The following SLC52A3 variants were observed in gnomAD, a reference collection of about 807,000 sequenced individuals.
The protein encoded by SLC52A3 is solute carrier family 52, riboflavin transporter, member 3.
SLC52A3 carries 20 observed loss-of-function variants against 29.5 expected under a neutral mutation model. The observed-to-expected ratio is 0.68, with a 90% CI of 0.48 to 0.99. The LOEUF is 0.99. Ranked by LOEUF, SLC52A3 falls within the 50% of genes least tolerant of loss-of-function variation. The probability of loss-of-function intolerance (pLI) is 0.00; values close to 1 mark genes in which losing one functional copy is unlikely to be tolerated. For synonymous variants in SLC52A3, 301 were observed against 271.0 expected (o/e 1.11, Z -1.09); for missense variants, 548 against 612.9 (o/e 0.89, Z 1.12).
Position 763,717 on chromosome 20 carries a change from T to G in SLC52A3, c.854A>C (p.Gln285Pro). The change falls in exon 3 of 5, where the codon CAG becomes CCG. Residue 285 changes from glutamine to proline, a missense_variant. This residue lies in a region of SLC52A3 where 375 missense variants were observed against 471.1 expected (regional missense o/e 0.80). Coordinates refer to ENST00000645534, the MANE Select transcript of SLC52A3 (RefSeq NM_033409.4). ...PAGTVDSSQGQGYLEEKAAPC... is the reference protein window; with the variant it reads ...PAGTVDSSQGPGYLEEKAAPC... ...GGCTGCTTTCTCCTCTAGATACCCC[T>G]GGCCCTGGCTGCTGTCCACCGTGCC... The G allele has an allele frequency of 6.2e-7, 1 of 1,614,162 alleles. No individual in the cohort carries two copies.
chr20:765,810 T>G lies in SLC52A3; in HGVS notation c.-36A>C, dbSNP rs1326600333. On this transcript the variant is annotated 5_prime_UTR_variant, in exon 2 of 5. Transcript: ENST00000645534. This position sits in a 1 kb window ranked among gnomAD's most constrained non-coding sequence, Gnocchi z 6.6. ...GCCCTGGGCCAGAGGCTTTCTCAGATCAGCCTGCAGCGGGGCTGGCAGAGA... is the reference window on the plus strand; with the variant it reads ...GCCCTGGGCCAGAGGCTTTCTCAGAGCAGCCTGCAGCGGGGCTGGCAGAGA... The G allele has an allele frequency of 6.3e-7, 1 of 1,598,976 alleles. No individual in the cohort carries two copies. The highest frequency in any genetic ancestry group is 1.7e-5 in the Admixed American group (1 of 57,790).
chr20:761,516 A>G lies in SLC52A3; in HGVS notation c.1197+185T>C, dbSNP rs1270843652. The G allele has an allele frequency of 3.4e-6, 3 of 874,460 alleles. No individual in the cohort carries two copies. In the Admixed American group the frequency reaches 7.4e-5, roughly 21 times the overall value. 54.2% of individuals were successfully genotyped at this position (874,460 alleles called of 1,614,324 possible). A position where few individuals can be genotyped will look rare whatever the true frequency, so the allele number is the denominator to read the frequency against. On this transcript the variant is annotated intron_variant, in intron 4 of 4. Transcript: ENST00000645534. ...AGGTACACATGGTGGGAAGAGGCCT[A>G]CCAGTCACCTCGATTCCCTAAGCCT...
chr20:765,891 G>T lies in SLC52A3; in HGVS notation c.-51-66C>A. The stretch of plus-strand genomic sequence containing the variant: ...CACCTAGCAAGATGCTGGGACCTGG[G>T]GCCCAGAGTTTTCTCTTATTACTCC... On this transcript the variant is annotated intron_variant, in intron 1 of 4. Transcript: ENST00000645534. The surrounding 1 kb of genome is among the most constrained non-coding windows in gnomAD (Gnocchi z 6.6). 9.8e-7 allele frequency: 1 copy of T among 1,022,008 alleles called. No homozygotes were observed. The highest frequency in any genetic ancestry group is 1.5e-6 in the Non-Finnish European group (1 of 676,988). The allele number at this position is 1,022,008 out of a possible 1,614,324, so 63.3% of individuals were successfully genotyped here. A position where few individuals can be genotyped will look rare whatever the true frequency, so the allele number is the denominator to read the frequency against.
At chr20:771,808 T>G (rs147568107), upstream of SLC52A3, among the ~76,000 whole-genome samples, 5 of 151,648 alleles carry the variant, frequency 3.3e-5, no homozygotes, top group East Asian at 9.7e-4. Context: ...CATAAAGGAG[T>G]CAAAATTGTA....
At chr20:774,693 C>G (rs941844270) in intron 1 of SLC52A3, among the ~76,000 whole-genome samples, 1 of 152,216 alleles carries the variant, frequency 6.6e-6, no homozygotes, top group African/African-American at 2.4e-5. Flanking sequence ...GCCACCCTCA[C>G]TGTTCACAGC....
intron 1 of SLC52A3, among the ~76,000 whole-genome samples, chr20:775,414 T>C (rs1986984612): frequency 6.6e-6 from 1 of 152,050 alleles, no homozygotes; most frequent in Non-Finnish European, 1.5e-5. Context: ...GCTGGGACTA[T>C]TAACCCATGC....
Position 763,883 on chromosome 20 carries a change from T to G in SLC52A3, c.688A>C (p.Met230Leu), listed in dbSNP as rs373044162. 1.9e-6 allele frequency: 3 copies of G among 1,613,940 alleles called. No homozygotes were observed. In the African/African-American group the frequency reaches 4.0e-5, roughly 22 times the overall value. ...PLVFFLLLSI[M>L]MACCLVAFFV... is the part of the protein sequence containing the mutation. ...AACGCCACGAGGCAGCAGGCCATCA[T>G]GATGGATAGGAGGAGGAAGAAGACC... The change falls in exon 3 of 5, where the codon ATG becomes CTG. Residue 230 changes from methionine (M) to leucine (L), a missense_variant. Transcript: ENST00000645534.
At chr20:778,620 T>C (rs1236425908), upstream of SLC52A3, among the ~76,000 whole-genome samples, 2 of 152,146 alleles carry the variant, frequency 1.3e-5, no homozygotes, top group South Asian at 4.1e-4. Context: ...CCAAATACTT[T>C]GGATCTGTTA....
At chr20:775,268 C>CTT (rs57095806) in intron 1 of SLC52A3, among the ~76,000 whole-genome samples, 10 of 133,566 alleles carry the variant, frequency 7.5e-5, no homozygotes, top group African/African-American at 1.1e-4. Context: ...GGGGCCCAGT[C>CTT]TTTTTTTTTT....
intron 1 of SLC52A3, among the ~76,000 whole-genome samples, chr20:775,268 CTTTTTTTT>C (rs57095806): frequency 0.081 from 10,854 of 133,496 alleles, 543 homozygotes; most frequent in South Asian, 0.17. Context: ...GGGGCCCAGT[CTTTTTTTT>C]TTTTTTTTTT....
chr20:761,420 G>C (rs2122507393), intron 4 of SLC52A3, 182 bp from the exon 5 acceptor site: 1 of 783,778 alleles, frequency 1.3e-6, no homozygotes, highest in Non-Finnish European at 2.0e-6. Flanking sequence ...GGGCGAAGGA[G>C]AATCCAGTGG....
chr20:767,659 C>T (rs1986729217), intron 1 of SLC52A3, among the ~76,000 whole-genome samples: 1 of 152,120 alleles, frequency 6.6e-6, no homozygotes, highest in African/African-American at 2.4e-5. Flanking sequence ...CTGGCCCTGC[C>T]TCTGTATATC....
At chr20:779,675 A>G (rs974490488), upstream of SLC52A3, among the ~76,000 whole-genome samples, 1 of 152,202 alleles carries the variant, frequency 6.6e-6, no homozygotes, top group African/African-American at 2.4e-5. Context: ...AAATGCCACC[A>G]TAACTCTTAA....
At chr20:772,306 T>C (rs1986864734), upstream of SLC52A3, among the ~76,000 whole-genome samples, 2 of 152,220 alleles carry the variant, frequency 1.3e-5, no homozygotes, top group Admixed American at 6.5e-5. Flanking sequence ...CGGGGGTCTG[T>C]TTCCTTGTCT....
Position 761,704 on chromosome 20 carries a change from G to T in SLC52A3, c.1194C>A (p.Leu398=). The change falls in exon 4 of 5, where the codon CTC becomes CTA. Residue 398 remains leucine, a synonymous_variant. Transcript: ENST00000645534. ...GCCCCACCGGCCGGATACTCACAAT[G>T]AGGACTTCCCCACCCCAGTGGCCCT... ...LLQGHWGGEV[L]IVASWVLFSG... 6.2e-7 allele frequency: 1 copy of T among 1,613,854 alleles called. No homozygotes were observed. The highest frequency in any genetic ancestry group is 1.7e-5 in the Admixed American group (1 of 60,008).
upstream of SLC52A3, among the ~76,000 whole-genome samples, chr20:777,298 T>G (rs2122561808): frequency 6.6e-6 from 1 of 151,190 alleles, no homozygotes; most frequent in South Asian, 2.1e-4. Flanking sequence ...ACTGGAAAGA[T>G]ATCTCAAAAG....
chr20:767,713 C>T (rs1464143271), intron 1 of SLC52A3, among the ~76,000 whole-genome samples: 1 of 152,124 alleles, frequency 6.6e-6, no homozygotes, highest in Non-Finnish European at 1.5e-5. Flanking sequence ...AACATATTAC[C>T]TGATGCAAAT....
chr20:767,228 C>T (rs988648526), intron 1 of SLC52A3, among the ~76,000 whole-genome samples: 1 of 152,072 alleles, frequency 6.6e-6, no homozygotes, highest in African/African-American at 2.4e-5. Flanking sequence ...GTAAATGGAA[C>T]CAGGAAAAAG....
At position 764,050 on chromosome 20, in the gene SLC52A3, G is replaced by A. The variant is rs571354811; in HGVS notation, c.568-47C>T. The A allele has an allele frequency of 1.6e-4, 234 of 1,494,998 alleles. 2 individuals carry two copies. In the South Asian group the frequency reaches 2.2e-3, roughly 14 times the overall value. 92.6% of individuals were successfully genotyped at this position (1,494,998 alleles called of 1,614,324 possible). ...CCTGGTCAGGGGAGGGGATCAGGCT[G>A]CAGAACAACAATCATGACAGTGATA... On this transcript the variant is annotated intron_variant, in intron 2 of 4. Transcript: ENST00000645534.
Sources: allele counts gnomAD v4.1 joint callset (sites outside exome capture counted in the v4.1 genomes callset), GRCh38; gene constraint gnomAD v4.1.1; regional missense constraint gnomAD v4.1.1; non-coding constraint Gnocchi (gnomAD v3.1); transcripts MANE v1.5; gene names NCBI Gene and HGNC (gene_info 2026-07-23, HGNC 2026-07-21).